The following KLF12 variants were observed in gnomAD, a reference collection of about 807,000 sequenced individuals.
The protein encoded by KLF12 is KLF transcription factor 12.
Under a neutral mutation model 37.8 loss-of-function variants are expected in KLF12, and 9 were observed. The ratio of observed to expected loss-of-function variants is 0.24; its 90% CI spans 0.14 to 0.42. The LOEUF (loss-of-function observed/expected upper bound fraction) is 0.42. Ranked by LOEUF, KLF12 falls within the 10% of genes least tolerant of loss-of-function variation. KLF12 has a pLI of 1.00. For synonymous variants in KLF12, 208 were observed against 202.1 expected, an observed-to-expected ratio of 1.03 and a Z score of -0.25; for missense variants, 411 against 516.0, an observed-to-expected ratio of 0.80 and a Z score of 1.97.
chr13:73,877,433 C>G (rs1281353306), intron 3 of KLF12, among the ~76,000 whole-genome samples: 1 of 152,008 alleles, frequency 6.6e-6, no homozygotes, highest in African/African-American at 2.4e-5. Flanking sequence ...TTAGAATTTC[C>G]TTTTAGTCTC....
chr13:74,215,607 A>T, the KLF12 span, among the ~76,000 whole-genome samples: 2 of 152,276 alleles, frequency 1.3e-5, no homozygotes, highest in East Asian at 3.9e-4. Context: ...GTGTGCTGTT[A>T]GAGCTTGCCA....
chr13:73,885,708 C>T (rs766931095), intron 3 of KLF12, among the ~76,000 whole-genome samples: 5 of 152,212 alleles, frequency 3.3e-5, no homozygotes, highest in South Asian at 4.1e-4. Context: ...TGAAGAATAG[C>T]GCTAATTCAA....
intron 4 of KLF12, among the ~76,000 whole-genome samples, chr13:73,840,856 C>A (rs1884697724): frequency 6.6e-6 from 1 of 152,082 alleles, no homozygotes; most frequent in Admixed American, 6.6e-5. Flanking sequence ...CTCTCTAGTT[C>A]CACCAGCCTC....
chr13:73,750,800 A>C (rs1178010298), intron 6 of KLF12, among the ~76,000 whole-genome samples: 1 of 152,072 alleles, frequency 6.6e-6, no homozygotes, highest in Non-Finnish European at 1.5e-5. Flanking sequence ...TTTTAAACTG[A>C]GTTTTTGAGA....
At chr13:74,163,868 A>T in the KLF12 span, among the ~76,000 whole-genome samples, 1 of 148,556 alleles carries the variant, frequency 6.7e-6, no homozygotes, top group Non-Finnish European at 1.5e-5. Context: ...CTATGTACCC[A>T]CAAAAATTTT....
At chr13:73,895,170 TG>T (rs1348242764) in intron 3 of KLF12, among the ~76,000 whole-genome samples, 1 of 152,250 alleles carries the variant, frequency 6.6e-6, no homozygotes. Flanking sequence ...GTTGCTTTTT[TG>T]CTGCCAAATC....
chr13:74,300,321 C>T, the KLF12 span, among the ~76,000 whole-genome samples: 1 of 152,054 alleles, frequency 6.6e-6, no homozygotes, highest in African/African-American at 2.4e-5. Flanking sequence ...TGATTGCTGG[C>T]ATATTTCTGT....
the KLF12 span, among the ~76,000 whole-genome samples, chr13:74,285,777 A>G: frequency 6.6e-6 from 1 of 152,192 alleles, no homozygotes; most frequent in Non-Finnish European, 1.5e-5. Flanking sequence ...TATCTATTTG[A>G]TAAATATTTT....
the KLF12 span, among the ~76,000 whole-genome samples, chr13:74,191,686 G>T: frequency 6.6e-6 from 1 of 152,154 alleles, no homozygotes; most frequent in Non-Finnish European, 1.5e-5. Context: ...AAGTTAGAAA[G>T]TACAGAGCCT....
the KLF12 span, among the ~76,000 whole-genome samples, chr13:74,243,664 G>C: frequency 6.6e-6 from 1 of 152,122 alleles, no homozygotes; most frequent in African/African-American, 2.4e-5. Context: ...GCATGAGATG[G>C]TATCTCATTG....
At chr13:74,180,334 T>C in the KLF12 span, among the ~76,000 whole-genome samples, 3 of 152,360 alleles carry the variant, frequency 2.0e-5, no homozygotes, top group East Asian at 5.8e-4. Flanking sequence ...ATTGAAAGAT[T>C]GTGTTACTAA....
the KLF12 span, among the ~76,000 whole-genome samples, chr13:74,252,256 A>G: frequency 6.6e-6 from 1 of 152,212 alleles, no homozygotes; most frequent in Non-Finnish European, 1.5e-5. Context: ...ACCCTTAGGT[A>G]GGGCTGCCAG....
At position 73,791,107 on chromosome 13, in the gene KLF12, C is replaced by T. The variant is rs151330056; in HGVS notation, c.806+22045G>A. Among the ~76,000 whole-genome samples the T allele has an allele frequency of 5.9e-5, 9 of 152,304 alleles. No individual in the cohort carries two copies. The East Asian group carries it at 1.7e-3, about 29-fold the overall frequency. On this transcript the variant is annotated intron_variant, in intron 5 of 7. Coordinates refer to ENST00000377669, the MANE Select transcript of KLF12 (RefSeq NM_007249.5). ...TATTTCCCAGATCCTAAACAGCTCT[C>T]TTCACTTCGTGTTTAAGCTATGTGA... is the stretch of plus-strand genomic sequence containing the variant.
intron 3 of KLF12, among the ~76,000 whole-genome samples, chr13:73,886,054 T>C (rs1015414413): frequency 1.3e-5 from 2 of 152,040 alleles, no homozygotes; most frequent in Admixed American, 6.6e-5. Flanking sequence ...GTGGTGGTAG[T>C]AGAGGTCAGA....
At chr13:73,946,961 T>A (rs147252605) in intron 2 of KLF12, among the ~76,000 whole-genome samples, 1 of 152,352 alleles carries the variant, frequency 6.6e-6, no homozygotes, top group African/African-American at 2.4e-5. Flanking sequence ...GATAGATGTA[T>A]CTCACTGAAC....
intron 3 of KLF12, among the ~76,000 whole-genome samples, chr13:73,930,788 A>G (rs1889630562): frequency 6.6e-6 from 1 of 152,200 alleles, no homozygotes; most frequent in Admixed American, 6.5e-5. Context: ...ATAAAGTAAT[A>G]AAGCACAGCA....
chr13:73,973,861 C>T (rs954241026), intron 2 of KLF12, among the ~76,000 whole-genome samples: 19 of 151,924 alleles, frequency 1.3e-4, no homozygotes, highest in African/African-American at 3.6e-4. Flanking sequence ...TGATTATCAA[C>T]GAATGGGAGC....
At chr13:73,882,639 T>C (rs939062694) in intron 3 of KLF12, among the ~76,000 whole-genome samples, 1 of 152,170 alleles carries the variant, frequency 6.6e-6, no homozygotes, top group Non-Finnish European at 1.5e-5. Context: ...ACATAAGTAA[T>C]CATATGCCAC....
At chr13:74,232,445 G>A in the KLF12 span, among the ~76,000 whole-genome samples, 1 of 152,060 alleles carries the variant, frequency 6.6e-6, no homozygotes, top group Non-Finnish European at 1.5e-5. Flanking sequence ...ATTCATATAT[G>A]TTTGTATTAT....
Sources: allele counts gnomAD v4.1 joint callset (sites outside exome capture counted in the v4.1 genomes callset), GRCh38; gene constraint gnomAD v4.1.1; transcripts MANE v1.5; gene names NCBI Gene and HGNC (gene_info 2026-07-23, HGNC 2026-07-21).